Variants in CREM observed in about 807,000 individuals in gnomAD.
CREM encodes the protein cAMP responsive element modulator.
CREM carries 13 observed loss-of-function variants against 37.3 expected under a neutral mutation model. The ratio of observed to expected loss-of-function variants is 0.35; its 90% CI spans 0.23 to 0.55. The LOEUF is 0.55. Ranked by LOEUF, CREM falls within the 20% of genes least tolerant of loss-of-function variation. The probability of loss-of-function intolerance (pLI) is 0.88; values close to 1 mark genes in which losing one functional copy is unlikely to be tolerated. For missense variants in CREM, 296 were observed against 362.3 expected, an observed-to-expected ratio of 0.82 and a Z score of 1.49; for synonymous variants, 124 against 120.2, an observed-to-expected ratio of 1.03 and a Z score of -0.21.
At chr10:35,197,416 CTTTATTTATTTATTTATTTATTTA>C (rs202009348) in intron 6 of CREM, among the ~76,000 whole-genome samples, 9 of 142,794 alleles carry the variant, frequency 6.3e-5, no homozygotes, top group African/African-American at 2.3e-4. Context: ...TTTCATTTTA[CTTTATTTATTTATTTATTTATTTA>C]TTTATTTATT....
rs552821365 is a variant in CREM, at chr10:35,179,516, AAGG to A, written c.409+243_409+245del. 187 of 430,366 alleles carry A rather than the reference AAGG, an allele frequency of 4.3e-4. 1 individual carries two copies. The highest frequency in any genetic ancestry group is 3.2e-3 in the East Asian group (91 of 28,484). 26.7% of individuals were successfully genotyped at this position (430,366 alleles called of 1,614,324 possible). On this transcript the variant is annotated intron_variant, in intron 5 of 7. Coordinates refer to ENST00000685392, the MANE Select transcript of CREM (RefSeq NM_183011.2). The stretch of plus-strand genomic sequence containing the variant: ...ATATAGAAGAAAATTTTGGGGTAAA[AAGG>A]AGAATTTTTCCTATTTACATGTTTA...
intron 3 of CREM, chr10:35,154,696 A>G (rs921419082): frequency 7.2e-5 from 11 of 152,170 alleles, no homozygotes; most frequent in Admixed American, 4.6e-4. Flanking sequence ...CAAAGGATGG[A>G]AGAAAAAGGA....
In CREM at chr10:35,133,727, G is replaced by A. The variant is rs141755078; in HGVS notation, c.-54-4055G>A. Among the ~76,000 whole-genome samples the A allele has an allele frequency of 8.7e-4, 133 of 152,366 alleles. 2 individuals are homozygous for A. Among genetic ancestry groups the A allele is most frequent in the Non-Finnish European group, 1.7e-3 (118 of 68,040 alleles). On this transcript the variant is annotated intron_variant, in intron 1 of 7. Coordinates refer to ENST00000685392, the MANE Select transcript of CREM (RefSeq NM_183011.2). ...AATCTACTTAGTCATTTCATCTAATGTACAGTTTAACAAAATTACAAAATT... is the reference window on the plus strand; with the variant it reads ...AATCTACTTAGTCATTTCATCTAATATACAGTTTAACAAAATTACAAAATT...
intron 2 of CREM, among the ~76,000 whole-genome samples, chr10:35,145,926 AG>A (rs2092059405): frequency 6.6e-6 from 1 of 152,096 alleles, no homozygotes; most frequent in African/African-American, 2.4e-5. Flanking sequence ...TTGATTCACT[AG>A]GTTTGGGGTT....
intron 3 of CREM, among the ~76,000 whole-genome samples, chr10:35,170,876 A>G (rs950759930): frequency 2.6e-5 from 4 of 152,178 alleles, no homozygotes; most frequent in African/African-American, 9.7e-5. Context: ...TGGCCTAACC[A>G]GTGAGAATGT....
chr10:35,182,842 A>T (rs919829167), intron 5 of CREM, among the ~76,000 whole-genome samples: 1 of 152,240 alleles, frequency 6.6e-6, no homozygotes, highest in Non-Finnish European at 1.5e-5. Flanking sequence ...GTTGCATAAC[A>T]GTTGAGCTGG....
At chr10:35,197,123 CT>C (rs1564959087) in intron 6 of CREM, among the ~76,000 whole-genome samples, 3 of 151,936 alleles carry the variant, frequency 2.0e-5, no homozygotes, top group African/African-American at 7.2e-5. Flanking sequence ...ATGCTGTATA[CT>C]TTTAACCACT....
At chr10:35,161,910 A>G (rs910044066) in intron 3 of CREM, among the ~76,000 whole-genome samples, 1 of 152,180 alleles carries the variant, frequency 6.6e-6, no homozygotes, top group Non-Finnish European at 1.5e-5. Context: ...TGATCCAGCA[A>G]TTTCATTACT....
intron 5 of CREM, among the ~76,000 whole-genome samples, chr10:35,181,830 A>G (rs73260883): frequency 1.3e-5 from 2 of 152,284 alleles, no homozygotes; most frequent in African/African-American, 4.8e-5. Flanking sequence ...TTATGATTGC[A>G]CCACTGCACT....
intron 3 of CREM, among the ~76,000 whole-genome samples, chr10:35,169,959 G>T (rs2093726011): frequency 1.4e-5 from 2 of 146,416 alleles, no homozygotes; most frequent in South Asian, 4.4e-4. Context: ...GATCATGGTG[G>T]AGAAGCTTTT....
intron 3 of CREM, chr10:35,154,112 G>A (rs11010110): frequency 0.011 from 4,360 of 398,506 alleles, 160 homozygotes; most frequent in African/African-American, 0.081. Context: ...GCATGCCATC[G>A]GGGATTGAAG....
intron 1 of CREM, among the ~76,000 whole-genome samples, chr10:35,134,463 C>T (rs890271444): frequency 6.6e-6 from 1 of 152,070 alleles, no homozygotes; most frequent in Non-Finnish European, 1.5e-5. Flanking sequence ...GCGATCTGCC[C>T]GCCTCAGCCT....
At chr10:35,210,980 GA>G (rs1374819234) in intron 7 of CREM, among the ~76,000 whole-genome samples, 1 of 152,214 alleles carries the variant, frequency 6.6e-6, no homozygotes, top group African/African-American at 2.4e-5. Flanking sequence ...GTAGTTTACT[GA>G]AAACAGTTGT....
rs2094746762 is a variant in CREM, at chr10:35,188,402, A to G, written c.598+14A>G. 6.3e-7 allele frequency: 1 copy of G among 1,596,020 alleles called. No homozygotes were observed. Among genetic ancestry groups the G allele is most frequent in the East Asian group, 2.2e-5 (1 of 44,618 alleles). ...TTGTTGTTCAAGGTATATTTTATTA[A>G]TCTAATACATTTAGAATACCTATGG... On this transcript the variant is annotated intron_variant, in intron 6 of 7. Coordinates refer to ENST00000685392, the MANE Select transcript of CREM (RefSeq NM_183011.2).
chr10:35,188,710 A>C (rs1315862391), intron 6 of CREM, among the ~76,000 whole-genome samples: 1 of 142,708 alleles, frequency 7.0e-6, no homozygotes, highest in East Asian at 2.1e-4. Flanking sequence ...CCCAGGCTGG[A>C]GTACAATGGC....
chr10:35,164,923 C>T (rs567501598), intron 3 of CREM, among the ~76,000 whole-genome samples: 36 of 151,932 alleles, frequency 2.4e-4, no homozygotes, highest in African/African-American at 8.4e-4. Context: ...TGGTGGCAGG[C>T]GCCTGTAATC....
chr10:35,188,167 A>G, intron 5 of CREM, 33 bp from the exon 6 acceptor site: 1 of 1,568,946 alleles, frequency 6.4e-7, no homozygotes, highest in Non-Finnish European at 8.7e-7. Context: ...AAATCTTGAA[A>G]TTCTCTAATA....
chr10:35,153,520 C>A (rs2092718383), intron 3 of CREM, among the ~76,000 whole-genome samples: 2 of 152,114 alleles, frequency 1.3e-5, no homozygotes, highest in South Asian at 4.1e-4. Context: ...AGAGTGGACA[C>A]CTTGAACTTT....
intron 6 of CREM, among the ~76,000 whole-genome samples, chr10:35,202,682 C>G (rs572966021): frequency 1.3e-5 from 2 of 152,300 alleles, no homozygotes; most frequent in East Asian, 3.9e-4. Context: ...GAAATTTATA[C>G]AAATTCCTAC....
Sources: gnomAD v4.1 joint callset for allele counts (sites outside exome capture counted in the v4.1 genomes callset) on GRCh38, gnomAD v4.1.1 for gene constraint, MANE v1.5 for transcripts, NCBI Gene and HGNC (gene_info 2026-07-23, HGNC 2026-07-21) for gene names.